The following LIPA variants were observed in gnomAD, a reference collection of about 807,000 sequenced individuals.
The protein encoded by LIPA is lipase A, lysosomal acid type, also known as lysosomal acid lipase/cholesteryl ester hydrolase.
A neutral mutation model predicts 40.6 loss-of-function variants in LIPA; 26 were observed. The ratio of observed to expected loss-of-function variants is 0.64; its 90% CI spans 0.47 to 0.89. LIPA has a LOEUF of 0.89. LIPA is among the 40% of genes least tolerant of loss of function. LIPA has a pLI of 0.00. For missense variants in LIPA, 455 were observed against 479.6 expected (o/e 0.95, Z 0.48); for synonymous variants, 188 against 168.4 (o/e 1.12, Z -0.90).
At chr10:89,287,417 T>TTC (rs1843346746) in intron 1 of LIPA, among the ~76,000 whole-genome samples, 3 of 152,166 alleles carry the variant, frequency 2.0e-5, no homozygotes, top group East Asian at 1.9e-4. Flanking sequence ...TTATGCACCC[T>TTC]TTTTTAATTA....
intron 8 of LIPA, among the ~76,000 whole-genome samples, chr10:89,218,974 A>G (rs1036424693): frequency 6.6e-6 from 1 of 152,248 alleles, no homozygotes; most frequent in Non-Finnish European, 1.5e-5. Flanking sequence ...GGAAATGATT[A>G]TATTACAAAA....
At chr10:89,301,387 C>T (rs951429362) in intron 1 of LIPA, among the ~76,000 whole-genome samples, 11 of 152,176 alleles carry the variant, frequency 7.2e-5, no homozygotes, top group African/African-American at 2.7e-4. Flanking sequence ...CTTACAGTGG[C>T]CTGTGGATCA....
In LIPA at chr10:89,222,520, G is replaced by A. The variant is rs886044197; in HGVS notation, c.885C>T (p.His295=). ...CTCCTGGAATGCCTACCTGGCTCCA[G>A]TGTAACATGTTTTGCACAGAAGTTC... ...PAGTSVQNML[H]WSQAVKFQKF... Residue 295 remains histidine (H), a synonymous_variant, in exon 8 of 10, where the codon CAC becomes CAT. Coordinates refer to ENST00000336233, the MANE Select transcript of LIPA (RefSeq NM_000235.4). The A allele has an allele frequency of 1.2e-6, 2 of 1,607,846 alleles. No individual in the cohort carries two copies. The highest frequency in any genetic ancestry group is 8.5e-7 in the Non-Finnish European group (1 of 1,174,246).
At chr10:89,354,577 GT>G (rs1843979577) in intron 2 of LIPA, among the ~76,000 whole-genome samples, 1 of 152,100 alleles carries the variant, frequency 6.6e-6, no homozygotes, top group Admixed American at 6.5e-5. Context: ...TCTTGTTTTT[GT>G]TTTTTCTGAG....
chr10:89,227,051 A>G, intron 4 of LIPA, 47 bp from the exon 5 acceptor site: 1 of 1,135,206 alleles, frequency 8.8e-7, no homozygotes, highest in Non-Finnish European at 1.3e-6. Context: ...TACATAAAAT[A>G]GAGCACACAC....
intron 2 of LIPA, among the ~76,000 whole-genome samples, chr10:89,364,783 G>A (rs1844046212): frequency 6.6e-6 from 1 of 152,020 alleles, no homozygotes; most frequent in Non-Finnish European, 1.5e-5. Flanking sequence ...GTGCTAGGTA[G>A]TGTGTAATAT....
chr10:89,299,315 A>G (rs1843432255), intron 1 of LIPA, among the ~76,000 whole-genome samples: 1 of 152,148 alleles, frequency 6.6e-6, no homozygotes, highest in Non-Finnish European at 1.5e-5. Flanking sequence ...AGAAAAAAAA[A>G]GAATTAAAAA....
intron 2 of LIPA, chr10:89,362,715 G>A: frequency 1.4e-6 from 1 of 722,272 alleles, no homozygotes; most frequent in Non-Finnish European, 2.2e-6. Context: ...CTATAGAATG[G>A]AGTGTCCTGA....
At chr10:89,231,389 C>G (rs906805690) in intron 3 of LIPA, among the ~76,000 whole-genome samples, 5 of 152,154 alleles carry the variant, frequency 3.3e-5, no homozygotes, top group African/African-American at 4.8e-5. Flanking sequence ...ACATGGTACT[C>G]CCTGGAGTTG....
upstream of LIPA, among the ~76,000 whole-genome samples, chr10:89,254,891 A>G (rs1843173123): frequency 6.6e-6 from 1 of 152,240 alleles, no homozygotes; most frequent in South Asian, 2.1e-4. Context: ...AAAACATAGC[A>G]AGAGTCACCT....
chr10:89,290,911 G>T (rs1193482823), intron 1 of LIPA, among the ~76,000 whole-genome samples: 3 of 152,176 alleles, frequency 2.0e-5, no homozygotes, highest in African/African-American at 7.2e-5. Context: ...ATATAAAATA[G>T]ATTTCTTTGG....
intron 1 of LIPA, chr10:89,284,069 A>G (rs892600546): frequency 2.6e-5 from 4 of 152,202 alleles, no homozygotes; most frequent in African/African-American, 9.6e-5. Flanking sequence ...TTCCAGACTC[A>G]TATCAACATT....
intron 1 of LIPA, among the ~76,000 whole-genome samples, chr10:89,298,367 A>G (rs901536117): frequency 1.2e-4 from 19 of 152,236 alleles, no homozygotes; most frequent in African/African-American, 4.6e-4. Flanking sequence ...GATAGCCTCC[A>G]AGAATAAACC....
chr10:89,252,541 C>T (rs905423559), upstream of LIPA, among the ~76,000 whole-genome samples: 5 of 152,238 alleles, frequency 3.3e-5, no homozygotes, highest in African/African-American at 7.2e-5. Context: ...GGCACAGTGG[C>T]TCACGCCTGT....
Position 89,247,818 on chromosome 10 carries a change from A to T in LIPA, c.-1-169T>A, listed in dbSNP as rs1843049183. On this transcript the variant is annotated intron_variant, in intron 1 of 9. Transcript: ENST00000336233. ...GCCATATCTGAAAGGAGAATAAGGA[A>T]TTTTTAAATTTTATTTATTTATTTT... The T allele has an allele frequency of 8.5e-6, 3 of 351,690 alleles. No individual in the cohort carries two copies. In the South Asian group the frequency reaches 3.0e-4, roughly 35 times the overall value. The allele number at this position is 351,690 out of a possible 1,614,324, so 21.8% of individuals were successfully genotyped here. A position where few individuals can be genotyped will look rare whatever the true frequency, so the allele number is the denominator to read the frequency against.
chr10:89,314,670 G>C (rs1470338857), intron 1 of LIPA: 3 of 151,416 alleles, frequency 2.0e-5, no homozygotes, highest in African/African-American at 7.3e-5. Context: ...CTGTCAAAAA[G>C]AAAAAAAAGA....
intron 2 of LIPA, chr10:89,403,820 T>A: frequency 1.5e-6 from 1 of 650,286 alleles, no homozygotes; most frequent in Non-Finnish European, 2.6e-6. Flanking sequence ...ACTGTAATGA[T>A]GTAATTCTTG....
At chr10:89,312,406 A>T (rs1807997651) in intron 1 of LIPA, among the ~76,000 whole-genome samples, 1 of 152,124 alleles carries the variant, frequency 6.6e-6, no homozygotes, top group Admixed American at 6.6e-5. Context: ...GTGCCACTGC[A>T]CTACAGCCTG....
At chr10:89,341,340 C>T (rs1180844887) in intron 1 of LIPA, among the ~76,000 whole-genome samples, 1 of 152,194 alleles carries the variant, frequency 6.6e-6, no homozygotes, top group Non-Finnish European at 1.5e-5. Flanking sequence ...ACAGCAGTCC[C>T]TTTCAAACTG....
Sources: gnomAD v4.1 joint callset for allele counts (sites outside exome capture counted in the v4.1 genomes callset) on GRCh38, gnomAD v4.1.1 for gene constraint, MANE v1.5 for transcripts, NCBI Gene and HGNC (gene_info 2026-07-23, HGNC 2026-07-21) for gene names.